Variants in RANBP2 observed in about 807,000 individuals in gnomAD.
The protein encoded by RANBP2 is E3 SUMO-protein ligase RanBP2.
A neutral mutation model predicts 303.6 loss-of-function variants in RANBP2; 57 were observed. The observed-to-expected ratio is 0.19, with a 90% CI of 0.15 to 0.23. The LOEUF (loss-of-function observed/expected upper bound fraction) is 0.23. RANBP2 is among the 10% of genes least tolerant of loss of function. The pLI is 1.00. For missense variants in RANBP2, 3,138 were observed against 3,780.8 expected (o/e 0.83, Z 4.46); for synonymous variants, 1,167 against 1,301.5 (o/e 0.90, Z 2.23).
the RANBP2 span, among the ~76,000 whole-genome samples, chr2:109,468,323 TAGGA>T: frequency 1.3e-5 from 2 of 152,002 alleles, no homozygotes; most frequent in African/African-American, 4.8e-5. Flanking sequence ...TAGCTAAACA[TAGGA>T]AGGGGAATGC....
chr2:109,330,106 C>T, the RANBP2 span, among the ~76,000 whole-genome samples: 21 of 152,156 alleles, frequency 1.4e-4, no homozygotes, highest in Non-Finnish European at 2.8e-4. Context: ...ATATGTAGCA[C>T]GGGCATGCAT....
At chr2:109,266,766 A>C in the RANBP2 span, among the ~76,000 whole-genome samples, 8 of 152,118 alleles carry the variant, frequency 5.3e-5, no homozygotes, top group Non-Finnish European at 5.9e-5. Flanking sequence ...AACAAGAGAC[A>C]GGGGTGAGCG....
At chr2:108,773,926 C>T (rs1455771215) in intron 23 of RANBP2, among the ~76,000 whole-genome samples, 3 of 152,148 alleles carry the variant, frequency 2.0e-5, no homozygotes, top group Non-Finnish European at 4.4e-5. Context: ...GGATTACAGG[C>T]GTGAGCCACC....
chr2:109,371,159 C>T, the RANBP2 span, among the ~76,000 whole-genome samples: 3,663 of 152,244 alleles, frequency 0.024, 147 homozygotes, highest in African/African-American at 0.083. Context: ...GAGGCCAAGG[C>T]GGGCAGATTG....
the RANBP2 span, among the ~76,000 whole-genome samples, chr2:109,487,128 G>A: frequency 6.6e-6 from 1 of 152,154 alleles, no homozygotes; most frequent in Admixed American, 6.5e-5. Flanking sequence ...CTGGGCTCCT[G>A]AACATTGCTT....
chr2:108,738,083 C>G (rs947760196), intron 6 of RANBP2, among the ~76,000 whole-genome samples: 2 of 137,722 alleles, frequency 1.5e-5, no homozygotes, highest in Non-Finnish European at 3.2e-5. Flanking sequence ...TGGTCTCAAT[C>G]TTTTTTTTTT....
At chr2:109,402,318 A>T in the RANBP2 span, among the ~76,000 whole-genome samples, 1 of 152,222 alleles carries the variant, frequency 6.6e-6, no homozygotes, top group Admixed American at 6.5e-5. Context: ...TGCTGCAGGG[A>T]TTCTCTTCCC....
chr2:109,480,299 A>G, the RANBP2 span, among the ~76,000 whole-genome samples: 1 of 152,306 alleles, frequency 6.6e-6, no homozygotes. Flanking sequence ...TTTGATCCCC[A>G]CAGCCACCCT....
At chr2:109,070,076 C>A in the RANBP2 span, among the ~76,000 whole-genome samples, 1 of 152,146 alleles carries the variant, frequency 6.6e-6, no homozygotes, top group Non-Finnish European at 1.5e-5. Context: ...AGCCAGCCTG[C>A]GACGTGCTGG....
At chr2:109,403,244 C>T in the RANBP2 span, among the ~76,000 whole-genome samples, 55 of 152,338 alleles carry the variant, frequency 3.6e-4, no homozygotes, top group East Asian at 0.01. Flanking sequence ...CTGGCCTCCT[C>T]CCCGCAGCTG....
the RANBP2 span, chr2:109,574,678 T>C: frequency 6.2e-7 from 1 of 1,610,350 alleles, no homozygotes; most frequent in African/African-American, 1.3e-5. Flanking sequence ...GCGAGAATCA[T>C]GGTAGGTAAA....
At chr2:109,306,347 C>T in the RANBP2 span, among the ~76,000 whole-genome samples, 1 of 152,220 alleles carries the variant, frequency 6.6e-6, no homozygotes. Context: ...TGCCTCCAAC[C>T]CCTGCGCATA....
the RANBP2 span, among the ~76,000 whole-genome samples, chr2:109,411,512 C>T: frequency 8.5e-5 from 13 of 152,186 alleles, no homozygotes; most frequent in Non-Finnish European, 1.6e-4. Flanking sequence ...AATTGCTGCT[C>T]GTTTGCATCC....
At chr2:108,762,983 G>A (rs897938775) in intron 19 of RANBP2, among the ~76,000 whole-genome samples, 8 of 152,008 alleles carry the variant, frequency 5.3e-5, no homozygotes, top group African/African-American at 1.9e-4. Flanking sequence ...CTTATGCCTA[G>A]TGCTCCATTA....
chr2:109,288,304 A>G, the RANBP2 span, among the ~76,000 whole-genome samples: 1 of 152,240 alleles, frequency 6.6e-6, no homozygotes, highest in Non-Finnish European at 1.5e-5. Flanking sequence ...TTTCAGAGTT[A>G]TTGCAGGCAT....
At chr2:109,417,443 G>C in the RANBP2 span, among the ~76,000 whole-genome samples, 2 of 152,142 alleles carry the variant, frequency 1.3e-5, no homozygotes, top group African/African-American at 2.4e-5. Flanking sequence ...GAATCCATCC[G>C]TGGGAAGGAA....
chr2:108,789,455 T>C (rs1326340545), downstream of RANBP2, among the ~76,000 whole-genome samples: 14 of 152,092 alleles, frequency 9.2e-5, no homozygotes, highest in Admixed American at 9.2e-4. Flanking sequence ...TTAGCCAGGC[T>C]TGGTGGTGTG....
the RANBP2 span, among the ~76,000 whole-genome samples, chr2:109,457,577 C>T: frequency 6.6e-6 from 1 of 152,216 alleles, no homozygotes; most frequent in Admixed American, 6.5e-5. Context: ...AACAAGCAAG[C>T]GATGCGTGTG....
the RANBP2 span, among the ~76,000 whole-genome samples, chr2:109,525,375 G>T: frequency 6.6e-6 from 1 of 152,196 alleles, no homozygotes; most frequent in African/African-American, 2.4e-5. Flanking sequence ...TCTTGGCCAG[G>T]CTGGTCTCGA....
Sources: gnomAD v4.1 joint callset for allele counts (sites outside exome capture counted in the v4.1 genomes callset) on GRCh38, gnomAD v4.1.1 for gene constraint, MANE v1.5 for transcripts, NCBI Gene and HGNC (gene_info 2026-07-23, HGNC 2026-07-21) for gene names.